CNTNAP2: variants seen among roughly 807,000 people sequenced by gnomAD.
CNTNAP2 encodes the protein contactin associated protein 2.
In CNTNAP2, 98 loss-of-function variants were observed where a neutral mutation model predicts 155.2. That is an observed-to-expected ratio of 0.63 (90% CI 0.54 to 0.75). The LOEUF is 0.75. Ranked by LOEUF, CNTNAP2 falls within the 30% of genes least tolerant of loss-of-function variation. CNTNAP2 has a pLI of 0.00. For missense variants in CNTNAP2, 1,727 were observed against 1,688.1 expected (o/e 1.02, Z -0.40); for synonymous variants, 651 against 631.2 (o/e 1.03, Z -0.47).
At chr7:146,320,561 T>A (rs1800983308) in intron 1 of CNTNAP2, among the ~76,000 whole-genome samples, 1 of 152,204 alleles carries the variant, frequency 6.6e-6, no homozygotes, top group African/African-American at 2.4e-5. Flanking sequence ...CCCCTAGGAA[T>A]CTGACTCTAT....
At chr7:147,024,781 A>T (rs1798872582) in intron 3 of CNTNAP2, among the ~76,000 whole-genome samples, 2 of 152,164 alleles carry the variant, frequency 1.3e-5, no homozygotes, top group Non-Finnish European at 2.9e-5. Context: ...TCAGTGGATG[A>T]AGAGGAATCA....
chr7:147,305,534 A>G (rs1338129017), intron 9 of CNTNAP2, among the ~76,000 whole-genome samples: 1 of 152,194 alleles, frequency 6.6e-6, no homozygotes, highest in Non-Finnish European at 1.5e-5. Context: ...GTGAAGTATC[A>G]GCTGCCTTGC....
chr7:146,982,504 A>G (rs906827994), intron 3 of CNTNAP2, among the ~76,000 whole-genome samples: 2 of 152,158 alleles, frequency 1.3e-5, no homozygotes, highest in Non-Finnish European at 2.9e-5. Context: ...CTTGATGCTC[A>G]ATTAGTCAAT....
chr7:147,485,877 C>A (rs1798500389), intron 10 of CNTNAP2, 58 bp from the exon 11 acceptor site: 1 of 1,546,574 alleles, frequency 6.5e-7, no homozygotes, highest in Non-Finnish European at 8.9e-7. Flanking sequence ...TGGAATTTGG[C>A]CACTCATAAA....
chr7:147,095,886 G>A (rs1201237714), intron 4 of CNTNAP2, among the ~76,000 whole-genome samples: 7 of 152,022 alleles, frequency 4.6e-5, no homozygotes, highest in Non-Finnish European at 1.0e-4. Flanking sequence ...CTTCCCTTTA[G>A]CAGCAGCAAC....
At chr7:146,709,026 A>C (rs1258114458) in intron 1 of CNTNAP2, among the ~76,000 whole-genome samples, 1 of 152,164 alleles carries the variant, frequency 6.6e-6, no homozygotes, top group Non-Finnish European at 1.5e-5. Context: ...TGAGAGGCTT[A>C]TTTTCTATAT....
At chr7:147,538,160 T>C (rs1799580502) in intron 11 of CNTNAP2, among the ~76,000 whole-genome samples, 1 of 152,180 alleles carries the variant, frequency 6.6e-6, no homozygotes, top group Admixed American at 6.5e-5. Context: ...CGTTCATCGG[T>C]ATAAGAAAAT....
At chr7:147,980,120 A>T (rs975683227) in intron 15 of CNTNAP2, among the ~76,000 whole-genome samples, 1 of 152,254 alleles carries the variant, frequency 6.6e-6, no homozygotes, top group Non-Finnish European at 1.5e-5. Context: ...AAAGAAGTTC[A>T]AACCATGTTA....
chr7:147,607,976 C>T (rs952771635), intron 12 of CNTNAP2, among the ~76,000 whole-genome samples: 8 of 152,080 alleles, frequency 5.3e-5, no homozygotes, highest in African/African-American at 9.7e-5. Flanking sequence ...TGAAAATGAA[C>T]GTTTACATTT....
chr7:146,369,070 TA>T (rs144868064), intron 1 of CNTNAP2, among the ~76,000 whole-genome samples: 7,140 of 147,820 alleles, frequency 0.048, 595 homozygotes, highest in African/African-American at 0.17. Context: ...TATATACTCA[TA>T]ACTCTTCATT....
chr7:146,371,630 C>T (rs372877285), intron 1 of CNTNAP2, among the ~76,000 whole-genome samples: 2 of 151,766 alleles, frequency 1.3e-5, no homozygotes, highest in African/African-American at 4.8e-5. Flanking sequence ...CTCCCAAAGG[C>T]CAGTATTAGT....
At chr7:147,690,222 T>C (rs1796068315) in intron 13 of CNTNAP2, among the ~76,000 whole-genome samples, 1 of 152,198 alleles carries the variant, frequency 6.6e-6, no homozygotes, top group Non-Finnish European at 1.5e-5. Flanking sequence ...TTCTCCAAAA[T>C]GACTTTTTTC....
At chr7:147,632,298 G>A (rs141740996) in intron 12 of CNTNAP2, among the ~76,000 whole-genome samples, 2,351 of 152,124 alleles carry the variant, frequency 0.015, 215 homozygotes, top group Admixed American at 0.14. Flanking sequence ...ATGGTGGTTC[G>A]GTTGTGTCCC....
intron 1 of CNTNAP2, among the ~76,000 whole-genome samples, chr7:146,445,883 A>T (rs1796395185): frequency 6.6e-6 from 1 of 152,174 alleles, no homozygotes; most frequent in South Asian, 2.1e-4. Context: ...TTTGTTTTAA[A>T]TAGAATTCTA....
At chr7:147,920,086 C>T (rs1368667935) in intron 14 of CNTNAP2, among the ~76,000 whole-genome samples, 17 of 151,398 alleles carry the variant, frequency 1.1e-4, no homozygotes, top group African/African-American at 2.7e-4. Flanking sequence ...TGGCCGGGCG[C>T]GGTGGCTCAT....
chr7:147,930,419 A>G (rs535018506), intron 14 of CNTNAP2, among the ~76,000 whole-genome samples: 1 of 152,324 alleles, frequency 6.6e-6, no homozygotes, highest in Non-Finnish European at 1.5e-5. Flanking sequence ...CAACCAAAAG[A>G]GAGCAGGAGT....
rs114036679 is a variant in CNTNAP2 at position 148,268,275 on chromosome 7, G to T, written c.3475+1149G>T. On this transcript the variant is annotated intron_variant, in intron 21 of 23. Transcript: ENST00000361727. Reference sequence around the variant, plus strand: ...GGCGGCCAGTGTGTAGAAGTGATCAGAATAGCATTAATGGTAAAAATGCTC... The same window carrying T: ...GGCGGCCAGTGTGTAGAAGTGATCATAATAGCATTAATGGTAAAAATGCTC... Among the ~76,000 whole-genome samples the T allele has an allele frequency of 4.5e-3, 681 of 152,248 alleles. 9 individuals are homozygous for T. The highest frequency in any genetic ancestry group is 0.016 in the African/African-American group (664 of 41,542).
intron 8 of CNTNAP2, among the ~76,000 whole-genome samples, chr7:147,142,205 TG>T (rs1801611893): frequency 6.6e-6 from 1 of 152,170 alleles, no homozygotes; most frequent in Admixed American, 6.5e-5. Context: ...TTATTGGCTG[TG>T]GGTTTGTCAT....
At position 147,098,692 on chromosome 7, in the gene CNTNAP2, CTGAG is replaced by C. The variant is rs1485140433; in HGVS notation, c.551-9452_551-9449del. On this transcript the variant is annotated intron_variant, in intron 4 of 23. Coordinates refer to ENST00000361727, the MANE Select transcript of CNTNAP2 (RefSeq NM_014141.6). Reference sequence around the variant, plus strand: ...AGATATGGTAAAATAATTTTCTGTACTGAGTGTTTTCTAATATAGTTTATTAGTA... The same window carrying C: ...AGATATGGTAAAATAATTTTCTGTACTGTTTTCTAATATAGTTTATTAGTA... Among the ~76,000 whole-genome samples the C allele has an allele frequency of 3.9e-5, 6 of 152,180 alleles. No individual in the cohort carries two copies. The South Asian group carries it at 8.3e-4, about 21-fold the overall frequency.
Sources: gnomAD v4.1 joint callset for allele counts (sites outside exome capture counted in the v4.1 genomes callset) on GRCh38, gnomAD v4.1.1 for gene constraint, MANE v1.5 for transcripts, NCBI Gene and HGNC (gene_info 2026-07-23, HGNC 2026-07-21) for gene names.